ALK: variants seen among roughly 807,000 people sequenced by gnomAD.
ALK encodes ALK tyrosine kinase receptor.
In ALK, 74 loss-of-function variants were observed where a neutral mutation model predicts 163.1. The observed-to-expected ratio is 0.45, with a 90% confidence interval of 0.38 to 0.55. The LOEUF is 0.55. Among genes scored for constraint, ALK ranks in the 20% least tolerant of loss-of-function variants. The probability of loss-of-function intolerance (pLI) is 0.00; values close to 1 mark genes in which losing one functional copy is unlikely to be tolerated. For synonymous variants in ALK, 960 were observed against 843.2 expected (o/e 1.14, Z -2.40); for missense variants, 2,063 against 2,105.3 (o/e 0.98, Z 0.39).
intron 1 of ALK, among the ~76,000 whole-genome samples, chr2:29,912,765 A>T (rs975059625): frequency 6.6e-6 from 1 of 152,120 alleles, no homozygotes; most frequent in African/African-American, 2.4e-5. Context: ...TTGCAAAGCT[A>T]ACAAAAGATA....
chr2:29,307,216 CAA>C (rs970463247), intron 8 of ALK, among the ~76,000 whole-genome samples: 5 of 152,206 alleles, frequency 3.3e-5, no homozygotes, highest in African/African-American at 1.2e-4. Context: ...CTGCAGTGAT[CAA>C]AAGAGACTCA....
intron 4 of ALK, among the ~76,000 whole-genome samples, chr2:29,421,484 G>A (rs879469208): frequency 8.6e-5 from 13 of 151,502 alleles, no homozygotes; most frequent in Non-Finnish European, 1.8e-4. Flanking sequence ...CCTGAGGGAC[G>A]TGCTAGTAGA....
At chr2:29,458,358 C>T (rs188193282) in intron 4 of ALK, among the ~76,000 whole-genome samples, 10 of 152,228 alleles carry the variant, frequency 6.6e-5, no homozygotes, top group Admixed American at 6.5e-4. Context: ...GCTTCAGAGA[C>T]GCTATGTTGT....
At position 29,652,932 on chromosome 2, in the gene ALK, C is replaced by T. The variant is rs116710055; in HGVS notation, c.952+41918G>A. 9.3e-3 allele frequency among the ~76,000 whole-genome samples: 1,417 copies of T among 152,232 alleles called. 24 individuals are homozygous for T. Among genetic ancestry groups the T allele is most frequent in the African/African-American group, 0.032 (1,342 of 41,522 alleles). ...AGTAAGTTTCTCTGAGTTCTGTGAGCTGCTCTAGCAAATTAATCAAACCCA... is the reference window on the plus strand; with the variant it reads ...AGTAAGTTTCTCTGAGTTCTGTGAGTTGCTCTAGCAAATTAATCAAACCCA... On this transcript the variant is annotated intron_variant, in intron 3 of 28. Coordinates refer to ENST00000389048, the MANE Select transcript of ALK (RefSeq NM_004304.5).
intron 4 of ALK, among the ~76,000 whole-genome samples, chr2:29,503,729 G>A (rs368509104): frequency 2.0e-5 from 3 of 152,224 alleles, no homozygotes; most frequent in African/African-American, 4.8e-5. Context: ...GCTGGGATGT[G>A]GGCATGGGGT....
At chr2:29,488,130 T>C (rs1390163159) in intron 4 of ALK, among the ~76,000 whole-genome samples, 1 of 152,198 alleles carries the variant, frequency 6.6e-6, no homozygotes, top group Non-Finnish European at 1.5e-5. Flanking sequence ...CAGTTCTAGG[T>C]AACCCCAGAA....
chr2:29,529,678 A>T (rs1409821275), intron 4 of ALK, among the ~76,000 whole-genome samples: 2 of 152,246 alleles, frequency 1.3e-5, no homozygotes, highest in Non-Finnish European at 2.9e-5. Flanking sequence ...TGGATGGTCC[A>T]TTGATTGTCC....
intron 7 of ALK, among the ~76,000 whole-genome samples, chr2:29,318,847 T>C (rs1016546296): frequency 8.5e-5 from 13 of 152,192 alleles, no homozygotes; most frequent in Admixed American, 7.2e-4. Flanking sequence ...ATTACAGGCA[T>C]GAGCCACTGC....
chr2:29,624,598 G>A (rs924855191), intron 3 of ALK, among the ~76,000 whole-genome samples: 3 of 152,162 alleles, frequency 2.0e-5, no homozygotes, highest in African/African-American at 7.2e-5. Flanking sequence ...CTGGAGCAGG[G>A]GATGGGGGGA....
At chr2:29,542,334 G>T (rs546191795) in intron 3 of ALK, among the ~76,000 whole-genome samples, 1 of 151,580 alleles carries the variant, frequency 6.6e-6, no homozygotes, top group African/African-American at 2.4e-5. Context: ...TACTCCCTTC[G>T]TCTTGAAGAC....
intron 3 of ALK, among the ~76,000 whole-genome samples, chr2:29,685,475 G>A (rs1420501415): frequency 1.3e-5 from 2 of 152,156 alleles, no homozygotes; most frequent in East Asian, 3.8e-4. Flanking sequence ...CTTGTCCATA[G>A]AGAAGTTTAT....
At chr2:29,603,689 T>A (rs1161427792) in intron 3 of ALK, among the ~76,000 whole-genome samples, 1 of 152,078 alleles carries the variant, frequency 6.6e-6, no homozygotes, top group East Asian at 1.9e-4. Context: ...TACCAGTTCA[T>A]CCCTCACACT....
intron 5 of ALK, among the ~76,000 whole-genome samples, chr2:29,357,906 G>C (rs567460281): frequency 6.6e-6 from 1 of 152,124 alleles, no homozygotes. Context: ...TCACTGGCTT[G>C]GCCCTTTCCT....
At chr2:29,661,965 A>G (rs1398227010) in intron 3 of ALK, among the ~76,000 whole-genome samples, 1 of 152,142 alleles carries the variant, frequency 6.6e-6, no homozygotes, top group Non-Finnish European at 1.5e-5. Context: ...AATGCAGGGC[A>G]GCGGTGTCAT....
At chr2:29,750,089 G>A (rs529346426) in intron 1 of ALK, among the ~76,000 whole-genome samples, 21 of 152,328 alleles carry the variant, frequency 1.4e-4, no homozygotes, top group African/African-American at 3.1e-4. Context: ...CACATCCGCC[G>A]AGGGCATGAT....
At chr2:29,252,839 T>C (rs1209597100) in intron 11 of ALK, among the ~76,000 whole-genome samples, 1 of 151,944 alleles carries the variant, frequency 6.6e-6, no homozygotes, top group African/African-American at 2.4e-5. Flanking sequence ...TTATTTATTT[T>C]TTTTTAGACA....
intron 1 of ALK, among the ~76,000 whole-genome samples, chr2:29,864,297 C>A (rs983308993): frequency 4.6e-5 from 7 of 152,172 alleles, no homozygotes; most frequent in Non-Finnish European, 1.0e-4. Flanking sequence ...CGGGTCTTTG[C>A]CCAAACCACT....
Position 29,222,344 on chromosome 2 carries a change from C to T in ALK, c.3515G>A (p.Ser1172Asn), listed in dbSNP as rs2148168511. The T allele has an allele frequency of 1.2e-6, 2 of 1,613,958 alleles. No individual in the cohort carries two copies. Among genetic ancestry groups the T allele is most frequent in the East Asian group, 2.2e-5 (1 of 44,864 alleles). Residue 1172 changes from serine (S) to asparagine (N), a missense_variant and splice_region_variant, in exon 22 of 29, where the codon AGC becomes AAC. By Grantham distance (46) the Ser-to-Asn change is conservative. Transcript: ENST00000389048. The stretch of plus-strand genomic sequence containing the variant: ...TGAGGGTGTCTCTCTGTGGCTTTAC[C>T]TGATGATCAGGGCTTCCATGAGGAA... ...LDFLMEALII[S>N]KFNHQNIVRC... is the part of the protein sequence containing the mutation.
At chr2:29,601,106 T>A (rs569192437) in intron 3 of ALK, among the ~76,000 whole-genome samples, 2 of 152,356 alleles carry the variant, frequency 1.3e-5, no homozygotes, top group East Asian at 3.9e-4. Context: ...ATTTGCTCTC[T>A]GATTCCCATT....
Sources: allele counts gnomAD v4.1 joint callset (sites outside exome capture counted in the v4.1 genomes callset), GRCh38; gene constraint gnomAD v4.1.1; transcripts MANE v1.5; gene names NCBI Gene and HGNC (gene_info 2026-07-23, HGNC 2026-07-21).